Variants in CAST observed in about 807,000 individuals in gnomAD.
CAST encodes the protein MIR583 host.
Under a neutral mutation model 119.6 loss-of-function variants are expected in CAST, and 76 were observed. That is an observed-to-expected ratio of 0.64 (90% confidence interval 0.53 to 0.77). The LOEUF is 0.77. CAST is among the 30% of genes least tolerant of loss of function. CAST has a pLI of 0.00. For synonymous variants in CAST, 319 were observed against 331.6 expected, an observed-to-expected ratio of 0.96 and a Z score of 0.41; for missense variants, 953 against 946.5, an observed-to-expected ratio of 1.01 and a Z score of -0.09.
intron 1 of CAST, among the ~76,000 whole-genome samples, chr5:96,633,162 G>A (rs965976793): frequency 6.6e-6 from 1 of 152,026 alleles, no homozygotes; most frequent in Non-Finnish European, 1.5e-5. Context: ...TAATAGAGAT[G>A]GGGTTTCATC....
At chr5:96,191,796 T>G in the CAST span, among the ~76,000 whole-genome samples, 2 of 152,164 alleles carry the variant, frequency 1.3e-5, no homozygotes, top group Non-Finnish European at 2.9e-5. Context: ...TCTCAATCTC[T>G]TGACCTCAGG....
At chr5:96,288,662 G>A in the CAST span, among the ~76,000 whole-genome samples, 1 of 152,108 alleles carries the variant, frequency 6.6e-6, no homozygotes, top group African/African-American at 2.4e-5. Flanking sequence ...TTAGACATAT[G>A]ACTATGTTGC....
At chr5:96,687,674 T>C (rs1198403244) in intron 2 of CAST, among the ~76,000 whole-genome samples, 1 of 152,216 alleles carries the variant, frequency 6.6e-6, no homozygotes, top group East Asian at 1.9e-4. Context: ...TTTTGGACTT[T>C]AGTACCATTC....
At position 96,741,497 on chromosome 5, in the gene CAST, T is replaced by A; in HGVS notation, c.1015T>A (p.Ser339Thr). 3.7e-6 allele frequency: 6 copies of A among 1,611,062 alleles called. No homozygotes were observed. Among genetic ancestry groups the A allele is most frequent in the Non-Finnish European group, 5.1e-6 (6 of 1,177,358 alleles). ...AAGKKTEKEE[S>T]TEVLKAQSAG... ...TCTTTTGTATTTTGTTTTTCAGGAA[T>A]CTACAGAAGTTTTAAAAGCTCAGTC... Residue 339 changes from serine (S) to threonine (T), a missense_variant, in exon 15 of 32, where the codon TCT becomes ACT. Coordinates refer to ENST00000675179, the MANE Select transcript of CAST (RefSeq NM_001750.7).
At chr5:96,194,390 T>C in the CAST span, among the ~76,000 whole-genome samples, 2 of 152,168 alleles carry the variant, frequency 1.3e-5, no homozygotes, top group Non-Finnish European at 2.9e-5. Flanking sequence ...ATTTTAATGA[T>C]TTAAGATTCT....
the CAST span, among the ~76,000 whole-genome samples, chr5:96,169,164 C>T: frequency 1.1e-4 from 16 of 151,910 alleles, no homozygotes; most frequent in African/African-American, 3.1e-4. Flanking sequence ...AGGGAGAGCA[C>T]GTGTGTTTTT....
chr5:96,109,084 T>C, the CAST span, among the ~76,000 whole-genome samples: 532 of 152,352 alleles, frequency 3.5e-3, 2 homozygotes, highest in African/African-American at 4.5e-3. Context: ...TGCTTCGGCT[T>C]GCGCACGGTG....
chr5:96,276,688 A>G, the CAST span, among the ~76,000 whole-genome samples: 5 of 152,200 alleles, frequency 3.3e-5, no homozygotes, highest in Non-Finnish European at 7.4e-5. Context: ...CTTAGATTTA[A>G]CATGTTAGCC....
the CAST span, among the ~76,000 whole-genome samples, chr5:95,975,194 C>CTAA: frequency 2.0e-5 from 3 of 152,186 alleles, no homozygotes; most frequent in Admixed American, 2.0e-4. Context: ...CTAAGAAGTG[C>CTAA]TGGTTTCCTA....
intron 1 of CAST, among the ~76,000 whole-genome samples, chr5:96,627,766 T>C (rs866186748): frequency 8.5e-5 from 13 of 152,270 alleles, no homozygotes; most frequent in African/African-American, 1.2e-4. Flanking sequence ...AGATAGGTAA[T>C]TGGTTCTTCA....
intron 1 of CAST, among the ~76,000 whole-genome samples, chr5:96,621,684 C>A (rs1250448593): frequency 6.6e-6 from 1 of 152,302 alleles, no homozygotes; most frequent in Non-Finnish European, 1.5e-5. Context: ...ATGAGGATTA[C>A]AATTCAAGAT....
chr5:96,248,179 C>A, the CAST span, among the ~76,000 whole-genome samples: 8 of 152,334 alleles, frequency 5.3e-5, no homozygotes, highest in South Asian at 1.7e-3. Context: ...TCTTATTGTT[C>A]TTTCTCTCTC....
At chr5:96,160,029 A>G in the CAST span, among the ~76,000 whole-genome samples, 1 of 151,844 alleles carries the variant, frequency 6.6e-6, no homozygotes, top group South Asian at 2.1e-4. Flanking sequence ...AATCCAAGCT[A>G]CTTGGGAGCC....
intron 3 of CAST, among the ~76,000 whole-genome samples, chr5:96,704,105 A>G (rs927694431): frequency 6.6e-6 from 1 of 152,240 alleles, no homozygotes; most frequent in African/African-American, 2.4e-5. Context: ...TAAGCCACCT[A>G]TAGCAATGAG....
At chr5:96,407,917 T>A in the CAST span, among the ~76,000 whole-genome samples, 1 of 152,156 alleles carries the variant, frequency 6.6e-6, no homozygotes, top group African/African-American at 2.4e-5. Context: ...TAGCATGAGT[T>A]TTAAAGGTCA....
At chr5:96,620,001 G>C (rs1178951838) in intron 1 of CAST, among the ~76,000 whole-genome samples, 1 of 152,230 alleles carries the variant, frequency 6.6e-6, no homozygotes, top group African/African-American at 2.4e-5. Context: ...ATATGTTTCA[G>C]GGCTCTCATG....
At position 96,617,790 on chromosome 5, in the gene CAST, TAAAAAAAAAAAAAAAAA is replaced by T. The variant is rs1162873931; in HGVS notation, c.61-57726_61-57710del. On this transcript the variant is annotated intron_variant, in intron 1 of 11. Transcript: ENST00000505143. ...CTGGGCAACAGAGCAAAATTCCATC[TAAAAAAAAAAAAAAAAA>T]AAAAAAAAAAAAAAAAAAAAAACAC... Among the ~76,000 whole-genome samples, 119 of 21,998 alleles carry T rather than the reference TAAAAAAAAAAAAAAAAA, an allele frequency of 5.4e-3. 2 individuals are homozygous for T. The highest frequency in any genetic ancestry group is 6.1e-3 in the Admixed American group (13 of 2,140). 14.4% of individuals were successfully genotyped at this position (21,998 alleles called of 152,430 possible). A position where few individuals can be genotyped will look rare whatever the true frequency, so the allele number is the denominator to read the frequency against.
At chr5:96,589,888 A>G (rs1305795567) in intron 1 of CAST, among the ~76,000 whole-genome samples, 4 of 152,216 alleles carry the variant, frequency 2.6e-5, no homozygotes, top group Non-Finnish European at 5.9e-5. Context: ...TGTTCCTTAT[A>G]CAAGGAACTG....
At chr5:96,620,180 T>C (rs1747573649) in intron 1 of CAST, among the ~76,000 whole-genome samples, 1 of 152,172 alleles carries the variant, frequency 6.6e-6, no homozygotes. Flanking sequence ...CCTTGTCCTC[T>C]AGAGCCTGTA....
Sources: allele counts gnomAD v4.1 joint callset (sites outside exome capture counted in the v4.1 genomes callset), GRCh38; gene constraint gnomAD v4.1.1; transcripts MANE v1.5; gene names NCBI Gene and HGNC (gene_info 2026-07-23, HGNC 2026-07-21).